The following OPRK1 variants were observed in gnomAD, a reference collection of about 807,000 sequenced individuals.
The protein encoded by OPRK1 is kappa-type opioid receptor.
Under a neutral mutation model 24.5 loss-of-function variants are expected in OPRK1, and 15 were observed. The observed-to-expected ratio is 0.61, with a 90% CI of 0.41 to 0.94. The LOEUF (loss-of-function observed/expected upper bound fraction) is 0.94, where lower values mean the gene tolerates loss of function less well. Ranked by LOEUF, OPRK1 falls within the 40% of genes least tolerant of loss-of-function variation. The pLI, the probability that OPRK1 is intolerant of heterozygous loss-of-function variation, is 0.00. For synonymous variants in OPRK1, 205 were observed against 198.0 expected (o/e 1.04, Z -0.30); for missense variants, 479 against 507.3 (o/e 0.94, Z 0.54).
rs546459906 is a variant in OPRK1, at chr8:53,234,182, CA to C, written c.610+576del. Among the ~76,000 whole-genome samples the C allele has an allele frequency of 9.1e-3, 597 of 65,350 alleles. 10 individuals are homozygous for C. The highest frequency in any genetic ancestry group is 0.02 in the Middle Eastern group (2 of 98). The allele number at this position is 65,350 out of a possible 152,430, so 42.9% of individuals were successfully genotyped here. ...CTGGCAACAGAGCAAGACTCTCTCT[CA>C]AAAAAAAAAAAAAAAAAAAATCAGT... On this transcript the variant is annotated intron_variant, in intron 3 of 3. Transcript: ENST00000265572.
chr8:53,244,114 T>C (rs7813478), intron 2 of OPRK1, among the ~76,000 whole-genome samples: 15,147 of 152,130 alleles, frequency 0.1, 809 homozygotes, highest in South Asian at 0.18. Flanking sequence ...CCGTCCCACA[T>C]TTCTCTAGTT....
intron 3 of OPRK1, among the ~76,000 whole-genome samples, chr8:53,234,325 G>A (rs1806935245): frequency 1.3e-5 from 2 of 152,180 alleles, no homozygotes; most frequent in East Asian, 3.9e-4. Flanking sequence ...TGTTAAAATA[G>A]TGATTTGGAG....
At chr8:53,249,464 T>C (rs993365028) in intron 2 of OPRK1, among the ~76,000 whole-genome samples, 1 of 152,214 alleles carries the variant, frequency 6.6e-6, no homozygotes, top group African/African-American at 2.4e-5. Context: ...TTACTCATCA[T>C]GGATAGAATT....
rs202047993 is a variant in OPRK1, at chr8:53,227,523, C to T, written c.*1774G>A. The T allele has an allele frequency of 3.9e-5, 6 of 152,076 alleles. No individual in the cohort carries two copies. Among genetic ancestry groups the T allele is most frequent in the African/African-American group, 1.4e-4 (6 of 41,408 alleles). 9.4% of individuals were successfully genotyped at this position (152,076 alleles called of 1,614,324 possible). On this transcript the variant is annotated 3_prime_UTR_variant, in exon 4 of 4. Coordinates refer to ENST00000265572, the MANE Select transcript of OPRK1 (RefSeq NM_000912.5). ...GGATTAGTGTAAACCAGTATTTAAG[C>T]AATTCCTATTTACATTCAGTTATAA...
chr8:53,248,588 T>C (rs1807292334), intron 2 of OPRK1, among the ~76,000 whole-genome samples: 1 of 152,200 alleles, frequency 6.6e-6, no homozygotes, highest in Non-Finnish European at 1.5e-5. Flanking sequence ...CTAAGATAAA[T>C]AAACCCAAGT....
chr8:53,234,696 A>G, intron 3 of OPRK1, 63 bp downstream of exon 3: 2 of 1,433,422 alleles, frequency 1.4e-6, no homozygotes, highest in East Asian at 2.3e-5. Flanking sequence ...CTCACGCTCA[A>G]ATTAAAAGTC....
chr8:53,250,475 G>T (rs1807348259), intron 2 of OPRK1, among the ~76,000 whole-genome samples: 1 of 152,146 alleles, frequency 6.6e-6, no homozygotes, highest in African/African-American at 2.4e-5. Flanking sequence ...CTGGCACCTT[G>T]CCCTGCGCAT....
intron 2 of OPRK1, among the ~76,000 whole-genome samples, chr8:53,238,323 G>C (rs1316571740): frequency 6.6e-6 from 1 of 152,228 alleles, no homozygotes; most frequent in East Asian, 1.9e-4. Context: ...GGGAAGTTCT[G>C]GCTTGTGTGG....
Position 53,228,986 on chromosome 8 carries a change from G to A in OPRK1, c.*311C>T, listed in dbSNP as rs35373196. On this transcript the variant is annotated 3_prime_UTR_variant, in exon 4 of 4. Transcript: ENST00000265572. The stretch of plus-strand genomic sequence containing the variant: ...TACGTTTCATAGGAAGGCCACAGCA[G>A]ATGGGTGCTGAACCTTACCTAGCAA... 2,982 of 220,468 alleles carry A rather than the reference G, an allele frequency of 0.014. 33 individuals carry two copies. The highest frequency in any genetic ancestry group is 0.043 in the Middle Eastern group (28 of 648). The allele number at this position is 220,468 out of a possible 1,614,324, so 13.7% of individuals were successfully genotyped here. A position where few individuals can be genotyped will look rare whatever the true frequency, so the allele number is the denominator to read the frequency against.
intron 3 of OPRK1, among the ~76,000 whole-genome samples, chr8:53,233,931 C>T (rs1199780371): frequency 6.6e-6 from 1 of 152,094 alleles, no homozygotes; most frequent in Non-Finnish European, 1.5e-5. Context: ...GGCGCAGTGG[C>T]TCACGCCTGT....
rs78517449 is a variant in OPRK1, at chr8:53,229,492, G to A, written c.948C>T (p.Ile316=). Residue 316 remains isoleucine (I), a synonymous_variant, in exon 4 of 4, where the codon ATC becomes ATT. Coordinates refer to ENST00000265572, the MANE Select transcript of OPRK1 (RefSeq NM_000912.5). ...TAALSSYYFC[I]ALGYTNSSLN... is the part of the protein sequence containing the mutation. ...GGCTACTGTTGGTATAGCCTAAGGC[G>A]ATGCAGAAGTAATAGCTGGAGAGAG... The A allele has an allele frequency of 3.6e-3, 5,744 of 1,614,192 alleles. 174 individuals carry two copies. In the African/African-American group the frequency reaches 0.066, roughly 19 times the overall value.
chr8:53,237,966 C>T (rs1038105609), intron 2 of OPRK1, among the ~76,000 whole-genome samples: 2 of 152,126 alleles, frequency 1.3e-5, no homozygotes, highest in African/African-American at 4.8e-5. Context: ...GCTTATAAAC[C>T]TACAACACTA....
rs200201440 is a variant in OPRK1 at position 53,229,019 on chromosome 8, G to A, written c.*278C>T. ...CTGAACCTTACCTAGCAAACCAGAA[G>A]GAAAAGACCTGTTCCCTTGTTCATC... On this transcript the variant is annotated 3_prime_UTR_variant, in exon 4 of 4. Transcript: ENST00000265572. 16 of 322,272 alleles carry A rather than the reference G, an allele frequency of 5.0e-5. No individual in the cohort carries two copies. Among genetic ancestry groups the A allele is most frequent in the Non-Finnish European group, 8.0e-5 (14 of 175,332 alleles). The allele number at this position is 322,272 out of a possible 1,614,324, so 20.0% of individuals were successfully genotyped here.
chr8:53,250,946 G>A lies in OPRK1; in HGVS notation c.92C>T (p.Pro31Leu), dbSNP rs201985699. 2.1e-5 allele frequency: 34 copies of A among 1,610,328 alleles called. No homozygotes were observed. The highest frequency in any genetic ancestry group is 2.7e-5 in the African/African-American group (2 of 74,792). ...GTTGCTGTCGGGCTCGGCCCAGCCGGGAAACCAGGCGCTGCTGTTGGGGGG... is the reference window on the plus strand; with the variant it reads ...GTTGCTGTCGGGCTCGGCCCAGCCGAGAAACCAGGCGCTGCTGTTGGGGGG... ...CLPPNSSAWF[P>L]GWAEPDSNGS... The change falls in exon 2 of 4, where the codon CCC (proline) becomes CTC (leucine). Residue 31 changes from proline to leucine, a missense_variant. By Grantham distance (98) the Pro-to-Leu change is moderately conservative. Coordinates refer to ENST00000265572, the MANE Select transcript of OPRK1 (RefSeq NM_000912.5).
At chr8:53,235,656 A>G (rs1806973219) in intron 2 of OPRK1, among the ~76,000 whole-genome samples, 4 of 152,252 alleles carry the variant, frequency 2.6e-5, no homozygotes, top group Non-Finnish European at 5.9e-5. Flanking sequence ...TCTCCAGTGC[A>G]CCATTAATTT....
At chr8:53,245,183 C>A (rs1352786706) in intron 2 of OPRK1, among the ~76,000 whole-genome samples, 1 of 152,140 alleles carries the variant, frequency 6.6e-6, no homozygotes. Flanking sequence ...GCAGAATTCA[C>A]AGATATGGAA....
chr8:53,242,485 A>G (rs1041260533), intron 2 of OPRK1: 12 of 162,082 alleles, frequency 7.4e-5, no homozygotes, highest in South Asian at 1.5e-4. Context: ...CTCTGACTGC[A>G]TGTAACTAAC....
chr8:53,229,492 G>C lies in OPRK1; in HGVS notation c.948C>G (p.Ile316Met). The C allele has an allele frequency of 1.2e-6, 2 of 1,614,194 alleles. No individual in the cohort carries two copies. Among genetic ancestry groups the C allele is most frequent in the Non-Finnish European group, 1.7e-6 (2 of 1,180,040 alleles). ...TAALSSYYFC[I>M]ALGYTNSSLN... ...GGCTACTGTTGGTATAGCCTAAGGC[G>C]ATGCAGAAGTAATAGCTGGAGAGAG... Residue 316 changes from isoleucine (I) to methionine (M), a missense_variant, in exon 4 of 4, where the codon ATC becomes ATG. Coordinates refer to ENST00000265572, the MANE Select transcript of OPRK1 (RefSeq NM_000912.5).
intron 2 of OPRK1, 98 bp downstream of exon 2, chr8:53,250,683 C>A: frequency 7.8e-7 from 1 of 1,283,522 alleles, no homozygotes; most frequent in South Asian, 1.5e-5. Flanking sequence ...GAGTCCCCAC[C>A]ACCTGGCTGG....
Sources: allele counts gnomAD v4.1 joint callset (sites outside exome capture counted in the v4.1 genomes callset), GRCh38; gene constraint gnomAD v4.1.1; transcripts MANE v1.5; gene names NCBI Gene and HGNC (gene_info 2026-07-23, HGNC 2026-07-21).